DPP6: variants seen among roughly 807,000 people sequenced by gnomAD.
The protein encoded by DPP6 is dipeptidyl peptidase like 6.
DPP6 carries 69 observed loss-of-function variants against 122.6 expected under a neutral mutation model. The ratio of observed to expected loss-of-function variants is 0.56; its 90% CI spans 0.46 to 0.69. DPP6 has a LOEUF of 0.69. DPP6 is among the 30% of genes least tolerant of loss of function. The pLI, the probability that DPP6 is intolerant of heterozygous loss-of-function variation, is 0.00. For synonymous variants in DPP6, 418 were observed against 433.1 expected (o/e 0.97, Z 0.43); for missense variants, 928 against 1,116.9 (o/e 0.83, Z 2.41).
intron 1 of DPP6, chr7:154,055,896 C>T (rs1350169503): frequency 6.6e-6 from 1 of 152,230 alleles, no homozygotes; most frequent in African/African-American, 2.4e-5. Flanking sequence ...CTTTATAATC[C>T]TTAGGACTTT....
At chr7:154,884,071 T>TACATGCTCACCC (rs1752422869) in intron 21 of DPP6, 1 of 113,242 alleles carries the variant, frequency 8.8e-6, no homozygotes, top group African/African-American at 3.9e-5. Context: ...TGCTCACCCA[T>TACATGCTCACCC]ACACATGCTC....
chr7:154,350,677 T>C (rs531255942), intron 1 of DPP6, among the ~76,000 whole-genome samples: 3 of 152,264 alleles, frequency 2.0e-5, no homozygotes, highest in Admixed American at 6.5e-5. Context: ...CCTGGTGTTA[T>C]GGGACTATCA....
chr7:154,781,764 C>A (rs1003471939), intron 10 of DPP6, among the ~76,000 whole-genome samples: 2 of 152,016 alleles, frequency 1.3e-5, no homozygotes, highest in South Asian at 2.1e-4. Context: ...TAAAAAAATA[C>A]CAGAGTTAAC....
At chr7:154,198,243 G>A (rs1798971315) in intron 1 of DPP6, among the ~76,000 whole-genome samples, 2 of 152,146 alleles carry the variant, frequency 1.3e-5, no homozygotes, top group Admixed American at 6.5e-5. Context: ...CGCCCATTCT[G>A]TCTTACTACT....
At chr7:154,543,865 A>G (rs1295239767) in intron 4 of DPP6, among the ~76,000 whole-genome samples, 5 of 151,776 alleles carry the variant, frequency 3.3e-5, no homozygotes, top group Non-Finnish European at 7.4e-5. Context: ...ATGGTGGAGC[A>G]TGCCTGTAAT....
intron 1 of DPP6, among the ~76,000 whole-genome samples, chr7:154,062,642 C>G (rs1452664712): frequency 3.9e-5 from 2 of 51,580 alleles, no homozygotes; most frequent in Non-Finnish European, 6.8e-5. Flanking sequence ...GGACCCCCAT[C>G]GCAGGAGGGG....
chr7:154,882,464 C>T (rs751184769), intron 21 of DPP6, among the ~76,000 whole-genome samples: 1 of 152,202 alleles, frequency 6.6e-6, no homozygotes, highest in Non-Finnish European at 1.5e-5. Flanking sequence ...AAGAATAAAG[C>T]GTCAATCCTT....
chr7:154,742,891 T>A (rs1278226148), intron 8 of DPP6, among the ~76,000 whole-genome samples: 1 of 151,508 alleles, frequency 6.6e-6, no homozygotes, highest in Non-Finnish European at 1.5e-5. Context: ...AGGGCAGACC[T>A]TAAGAGCCAG....
chr7:153,815,036 T>C, the DPP6 span, among the ~76,000 whole-genome samples: 1 of 152,204 alleles, frequency 6.6e-6, no homozygotes, highest in Non-Finnish European at 1.5e-5. Context: ...GCATTCCCTT[T>C]GAAAACTGGC....
In DPP6 at chr7:154,475,378, G is replaced by A. The variant is rs2151349835; in HGVS notation, c.457+341G>A. ...TGCTTAGCAACAGGAACAGTGCAGGGCACGGTGAGCTTTCCTTCCTTCTCC... is the reference window on the plus strand; with the variant it reads ...TGCTTAGCAACAGGAACAGTGCAGGACACGGTGAGCTTTCCTTCCTTCTCC... On this transcript the variant is annotated intron_variant, in intron 3 of 25. Transcript: ENST00000377770. 5 of 332,478 alleles carry A rather than the reference G, an allele frequency of 1.5e-5. 1 individual carries two copies. Among genetic ancestry groups the A allele is most frequent in the South Asian group, 1.3e-4 (5 of 39,660 alleles). 20.6% of individuals were successfully genotyped at this position (332,478 alleles called of 1,614,324 possible). A position where few individuals can be genotyped will look rare whatever the true frequency, so the allele number is the denominator to read the frequency against.
At chr7:153,867,211 A>G in the DPP6 span, among the ~76,000 whole-genome samples, 1 of 152,040 alleles carries the variant, frequency 6.6e-6, no homozygotes, top group Non-Finnish European at 1.5e-5. Flanking sequence ...CTTGAGGGGG[A>G]TGGCATTGAA....
intron 1 of DPP6, among the ~76,000 whole-genome samples, chr7:153,924,224 T>C (rs1008244012): frequency 1.3e-5 from 2 of 152,048 alleles, no homozygotes; most frequent in African/African-American, 4.8e-5. Flanking sequence ...TTCTCCTGCC[T>C]CAGCCTCCCG....
intron 8 of DPP6, among the ~76,000 whole-genome samples, chr7:154,748,067 G>A (rs993000759): frequency 6.6e-6 from 1 of 152,158 alleles, no homozygotes; most frequent in African/African-American, 2.4e-5. Flanking sequence ...TACATGAAGA[G>A]GAGACACTCG....
At chr7:153,936,581 C>G (rs995840037) in intron 1 of DPP6, among the ~76,000 whole-genome samples, 1 of 151,754 alleles carries the variant, frequency 6.6e-6, no homozygotes, top group Non-Finnish European at 1.5e-5. Flanking sequence ...CCGAGACAGC[C>G]GGATCACAAG....
intron 6 of DPP6, among the ~76,000 whole-genome samples, chr7:154,645,223 G>T (rs1258923684): frequency 1.3e-5 from 2 of 151,630 alleles, no homozygotes; most frequent in African/African-American, 4.8e-5. Context: ...CCACCACCAC[G>T]CCCGGCTAAT....
chr7:154,080,170 A>G (rs1252555530), intron 1 of DPP6, among the ~76,000 whole-genome samples: 1 of 152,124 alleles, frequency 6.6e-6, no homozygotes, highest in African/African-American at 2.4e-5. Flanking sequence ...GAGGACCCAC[A>G]GTGGGAAGTG....
Position 154,113,300 on chromosome 7 carries a change from C to G in DPP6, c.243+60237C>G, listed in dbSNP as rs374232317. 3.3e-4 allele frequency among the ~76,000 whole-genome samples: 50 copies of G among 152,230 alleles called. No homozygotes were observed. The South Asian group carries it at 0.01, about 32-fold the overall frequency. On this transcript the variant is annotated intron_variant, in intron 1 of 25. Transcript: ENST00000377770. ...TTTAGTGTTTTCAGGAAGCCTCATA[C>G]TGTATTCCAAAGTGGCTATACCATT...
At chr7:154,549,457 T>C (rs1829465590) in intron 4 of DPP6, among the ~76,000 whole-genome samples, 1 of 152,170 alleles carries the variant, frequency 6.6e-6, no homozygotes. Flanking sequence ...CACACAGTAA[T>C]CAGTACGTCA....
intron 6 of DPP6, among the ~76,000 whole-genome samples, chr7:154,667,172 TC>T (rs1304345865): frequency 6.6e-6 from 1 of 150,888 alleles, no homozygotes; most frequent in Non-Finnish European, 1.5e-5. Flanking sequence ...CATATTTTTA[TC>T]TTTTTTTTTT....
Sources: allele counts gnomAD v4.1 joint callset (sites outside exome capture counted in the v4.1 genomes callset), GRCh38; gene constraint gnomAD v4.1.1; transcripts MANE v1.5; gene names NCBI Gene and HGNC (gene_info 2026-07-23, HGNC 2026-07-21).